AGBL4: variants seen among roughly 807,000 people sequenced by gnomAD.
The protein encoded by AGBL4 is cytosolic carboxypeptidase 6.
Under a neutral mutation model 66.4 loss-of-function variants are expected in AGBL4, and 58 were observed. The observed-to-expected ratio is 0.87, with a 90% CI of 0.71 to 1.09. AGBL4 has a LOEUF of 1.09. AGBL4 is among the 50% of genes least tolerant of loss of function. The pLI is 0.00. For missense variants in AGBL4, 579 were observed against 631.0 expected (o/e 0.92, Z 0.88); for synonymous variants, 234 against 222.9 (o/e 1.05, Z -0.44).
chr1:49,894,667 GAAGA>G (rs971097250), intron 1 of AGBL4, among the ~76,000 whole-genome samples: 11 of 152,072 alleles, frequency 7.2e-5, no homozygotes, highest in African/African-American at 2.4e-4. Flanking sequence ...TGATCAAGTA[GAAGA>G]AAGAATTAGT....
At position 49,254,664 on chromosome 1, in the gene AGBL4, A is replaced by T. The variant is rs1012461878; in HGVS notation, c.283-8800T>A. 1.4e-4 allele frequency among the ~76,000 whole-genome samples: 22 copies of T among 152,260 alleles called. No homozygotes were observed. In the South Asian group the frequency reaches 3.1e-3, roughly 22 times the overall value. On this transcript the variant is annotated intron_variant, in intron 3 of 13. Transcript: ENST00000371839. ...TTCTTCACAGAACTAGAGAAAAAAA[A>T]TTTTAAAATTCCTGTGGAACCAAAA...
chr1:48,915,052 TC>T (rs1653471092), intron 5 of AGBL4, among the ~76,000 whole-genome samples: 2 of 152,248 alleles, frequency 1.3e-5, no homozygotes, highest in Non-Finnish European at 2.9e-5. Flanking sequence ...GAAATCTCTA[TC>T]GTGTTATTTT....
intron 3 of AGBL4, among the ~76,000 whole-genome samples, chr1:49,362,449 C>CAAAA (rs145467066): frequency 1.4e-4 from 11 of 80,888 alleles, no homozygotes; most frequent in Non-Finnish European, 1.8e-4. Context: ...GACCCTGTCT[C>CAAAA]AAAAAAAAAA....
intron 6 of AGBL4, among the ~76,000 whole-genome samples, chr1:48,747,645 A>T (rs945039566): frequency 2.6e-5 from 4 of 152,238 alleles, no homozygotes; most frequent in African/African-American, 9.6e-5. Context: ...TTTAAGCCCT[A>T]CTGGCTTTTT....
chr1:49,451,585 G>T (rs900923626), intron 3 of AGBL4, among the ~76,000 whole-genome samples: 1 of 151,924 alleles, frequency 6.6e-6, no homozygotes, highest in South Asian at 2.1e-4. Context: ...AGGCACATCT[G>T]CCTTTTATGA....
At chr1:48,760,427 T>C in intron 6 of AGBL4, among the ~76,000 whole-genome samples, 1 of 152,240 alleles carries the variant, frequency 6.6e-6, no homozygotes, top group Non-Finnish European at 1.5e-5. Context: ...AATGAAACCA[T>C]GACTCTGATA....
At chr1:48,603,298 T>C (rs1340652223) in intron 9 of AGBL4, among the ~76,000 whole-genome samples, 1 of 152,052 alleles carries the variant, frequency 6.6e-6, no homozygotes. Context: ...GGTGAAACCC[T>C]GGCTCTACTA....
chr1:49,782,135 G>C (rs1430045015), intron 2 of AGBL4, among the ~76,000 whole-genome samples: 1 of 151,696 alleles, frequency 6.6e-6, no homozygotes, highest in African/African-American at 2.4e-5. Flanking sequence ...AATGAATGAA[G>C]CAGAGGCTAG....
chr1:48,579,103 T>C (rs1644697035), intron 11 of AGBL4, among the ~76,000 whole-genome samples: 1 of 152,210 alleles, frequency 6.6e-6, no homozygotes, highest in African/African-American at 2.4e-5. Context: ...GGATTTTACA[T>C]AAGTCCCTTA....
chr1:49,063,408 T>C (rs1644436866), intron 4 of AGBL4, among the ~76,000 whole-genome samples: 1 of 152,204 alleles, frequency 6.6e-6, no homozygotes, highest in African/African-American at 2.4e-5. Context: ...AGGCTTGATC[T>C]GGCTCAATGT....
rs551962815 is a variant in AGBL4 at position 48,640,991 on chromosome 1, C to A, written c.840-6387G>T. ...AAGGATAGAGAAAAAGGCAGCTTGG[C>A]GGCTCCAGATCAATCTTGCCCTGAG... On this transcript the variant is annotated intron_variant, in intron 8 of 13. Transcript: ENST00000371839. Among the ~76,000 whole-genome samples the A allele has an allele frequency of 1.7e-4, 26 of 152,138 alleles. 1 individual carries two copies. Among genetic ancestry groups the A allele is most frequent in the Admixed American group, 1.4e-3 (21 of 15,284 alleles).
chr1:49,245,609 C>T (rs7528510), intron 4 of AGBL4, among the ~76,000 whole-genome samples, 161 bp downstream of exon 4: 66,361 of 151,514 alleles, frequency 0.44, 16,976 homozygotes, highest in Non-Finnish European at 0.58. Flanking sequence ...TAAGTCTGAT[C>T]CCCAGCTGTA....
At chr1:49,477,997 T>A (rs1646879940) in intron 3 of AGBL4, among the ~76,000 whole-genome samples, 1 of 151,592 alleles carries the variant, frequency 6.6e-6, no homozygotes, top group Non-Finnish European at 1.5e-5. Context: ...GAATACAGGC[T>A]ATTTGAAAAT....
chr1:49,152,743 GA>G (rs1347094040), intron 4 of AGBL4, among the ~76,000 whole-genome samples: 7 of 152,186 alleles, frequency 4.6e-5, no homozygotes, highest in Admixed American at 4.6e-4. Context: ...GGAGTTCTGG[GA>G]GATGAACAAT....
intron 5 of AGBL4, among the ~76,000 whole-genome samples, chr1:49,032,945 T>C (rs777917490): frequency 4.6e-5 from 7 of 152,110 alleles, no homozygotes; most frequent in Non-Finnish European, 8.8e-5. Context: ...GTAGTCTCGG[T>C]TGGCTTCTAT....
intron 1 of AGBL4, among the ~76,000 whole-genome samples, chr1:49,989,441 C>A (rs957640537): frequency 3.9e-5 from 6 of 152,178 alleles, no homozygotes; most frequent in Admixed American, 2.0e-4. Context: ...GCTTTCACAG[C>A]TTAACATAGG....
At chr1:49,592,581 C>T (rs948993259) in intron 3 of AGBL4, among the ~76,000 whole-genome samples, 2 of 151,926 alleles carry the variant, frequency 1.3e-5, no homozygotes, top group African/African-American at 4.8e-5. Flanking sequence ...AAAACAAAAA[C>T]ATGAACAAAC....
chr1:49,880,234 G>A (rs543395342), intron 1 of AGBL4, among the ~76,000 whole-genome samples: 295 of 151,952 alleles, frequency 1.9e-3, no homozygotes, highest in Non-Finnish European at 3.0e-3. Flanking sequence ...GAGGAGAGGC[G>A]CTCTGCGTTT....
At chr1:49,777,658 A>G (rs1257223026) in intron 2 of AGBL4, among the ~76,000 whole-genome samples, 1 of 152,220 alleles carries the variant, frequency 6.6e-6, no homozygotes, top group Non-Finnish European at 1.5e-5. Flanking sequence ...AACAAAAAAC[A>G]GAAAATGGTC....
Sources: allele counts gnomAD v4.1 joint callset (sites outside exome capture counted in the v4.1 genomes callset), GRCh38; gene constraint gnomAD v4.1.1; transcripts MANE v1.5; gene names NCBI Gene and HGNC (gene_info 2026-07-23, HGNC 2026-07-21).